SCAF8: variants seen among roughly 807,000 people sequenced by gnomAD.
SCAF8 encodes SR-related CTD associated factor 8.
In SCAF8, 23 loss-of-function variants were observed where a neutral mutation model predicts 140.5. The observed-to-expected ratio is 0.16, with a 90% CI of 0.12 to 0.23. SCAF8 has a LOEUF of 0.23. SCAF8 is among the 10% of genes least tolerant of loss of function. The pLI is 1.00. For missense variants in SCAF8, 1,397 were observed against 1,555.7 expected, an observed-to-expected ratio of 0.90 and a Z score of 1.72; for synonymous variants, 575 against 528.9, an observed-to-expected ratio of 1.09 and a Z score of -1.20.
Position 154,827,159 on chromosome 6 carries a change from T to G in SCAF8, c.2072-13T>G. 3 of 1,590,420 alleles carry G rather than the reference T, an allele frequency of 1.9e-6. No individual in the cohort carries two copies. The highest frequency in any genetic ancestry group is 2.6e-6 in the Non-Finnish European group (3 of 1,172,694). ...TTCTTGTGCTATTTTTTGGGGTTTT[T>G]TTTTCTGTCTAGGTTTCATGCCGCC... On this transcript the variant is annotated splice_polypyrimidine_tract_variant and intron_variant, in intron 17 of 19. Transcript: ENST00000367178.
chr6:154,752,108 C>G (rs1200926556), intron 1 of SCAF8, among the ~76,000 whole-genome samples: 5 of 152,162 alleles, frequency 3.3e-5, no homozygotes, highest in Non-Finnish European at 4.4e-5. Context: ...TTTGTGACTA[C>G]TACATTTAGA....
intron 1 of SCAF8, among the ~76,000 whole-genome samples, chr6:154,740,661 C>T (rs1373960901): frequency 1.4e-5 from 2 of 139,152 alleles, no homozygotes; most frequent in African/African-American, 5.4e-5. Flanking sequence ...TTGCTGTCAT[C>T]GAGGCTCGAG....
At chr6:154,772,986 C>T (rs1177214687) in intron 1 of SCAF8, among the ~76,000 whole-genome samples, 1 of 152,172 alleles carries the variant, frequency 6.6e-6, no homozygotes, top group Admixed American at 6.5e-5. Context: ...TCTTGAACTC[C>T]TGATCTCAGG....
chr6:154,761,008 T>C (rs888694653), intron 1 of SCAF8, among the ~76,000 whole-genome samples: 7 of 152,020 alleles, frequency 4.6e-5, no homozygotes, highest in African/African-American at 1.7e-4. Context: ...TGCTGTGCTG[T>C]GCAGGCTTGT....
chr6:154,797,905 TTTAC>T (rs1777654341), intron 6 of SCAF8, among the ~76,000 whole-genome samples: 1 of 151,496 alleles, frequency 6.6e-6, no homozygotes, highest in African/African-American at 2.4e-5. Flanking sequence ...TGCACTCCCT[TTTAC>T]TTTATCATCT....
intron 3 of SCAF8, among the ~76,000 whole-genome samples, chr6:154,785,014 C>T (rs72993437): frequency 5.3e-5 from 8 of 152,240 alleles, no homozygotes; most frequent in Non-Finnish European, 1.2e-4. Context: ...TTTTGTGTCA[C>T]GTCCTTGCTT....
chr6:154,777,606 AC>A (rs1776954220), intron 2 of SCAF8, among the ~76,000 whole-genome samples: 1 of 152,248 alleles, frequency 6.6e-6, no homozygotes, highest in Non-Finnish European at 1.5e-5. Flanking sequence ...CCTTGATTTA[AC>A]TGATAAAATC....
chr6:154,765,752 CCTT>C (rs1051607156), intron 1 of SCAF8, among the ~76,000 whole-genome samples: 33 of 152,068 alleles, frequency 2.2e-4, no homozygotes, highest in Non-Finnish European at 2.9e-4. Flanking sequence ...TTTTTATCAA[CCTT>C]CTTTAAAGTT....
At chr6:154,760,001 C>A (rs562833231) in intron 1 of SCAF8, among the ~76,000 whole-genome samples, 1 of 151,344 alleles carries the variant, frequency 6.6e-6, no homozygotes, top group Non-Finnish European at 1.5e-5. Flanking sequence ...TTTAAAAAAT[C>A]AAATTCTGGG....
At chr6:154,795,339 A>G (rs1472817444) in intron 6 of SCAF8, among the ~76,000 whole-genome samples, 200 bp downstream of exon 6, 1 of 152,202 alleles carries the variant, frequency 6.6e-6, no homozygotes, top group Non-Finnish European at 1.5e-5. Flanking sequence ...TTACTTTATA[A>G]AAATTTATTC....
intron 6 of SCAF8, among the ~76,000 whole-genome samples, chr6:154,796,283 A>G (rs1413499230): frequency 6.6e-6 from 1 of 151,460 alleles, no homozygotes. Flanking sequence ...TAAAAATTTT[A>G]TTAGTGAAGA....
intron 12 of SCAF8, among the ~76,000 whole-genome samples, chr6:154,814,220 G>C (rs1583060007): frequency 6.6e-6 from 1 of 152,248 alleles, no homozygotes; most frequent in Admixed American, 6.5e-5. Context: ...AGTTACTCGC[G>C]AGGCTGAGGA....
At chr6:154,793,450 A>G (rs1012444682) in intron 5 of SCAF8, among the ~76,000 whole-genome samples, 1 of 151,630 alleles carries the variant, frequency 6.6e-6, no homozygotes, top group Non-Finnish European at 1.5e-5. Context: ...AATTTTTATG[A>G]AAAAATTTTT....
intron 18 of SCAF8, 21 bp downstream of exon 18, chr6:154,827,261 G>A (rs1778593629): frequency 6.5e-7 from 1 of 1,542,124 alleles, no homozygotes; most frequent in Admixed American, 1.9e-5. Flanking sequence ...TACTTTTAGA[G>A]TTTTCTTTAT....
At position 154,733,658 on chromosome 6, in the gene SCAF8, G is replaced by T; in HGVS notation, c.-243G>T. 3 of 1,166,310 alleles carry T rather than the reference G, an allele frequency of 2.6e-6. No homozygotes were observed. The highest frequency in any genetic ancestry group is 3.2e-6 in the Non-Finnish European group (3 of 945,328). The allele number at this position is 1,166,310 out of a possible 1,614,324, so 72.2% of individuals were successfully genotyped here. A position where few individuals can be genotyped will look rare whatever the true frequency, so the allele number is the denominator to read the frequency against. On this transcript the variant is annotated 5_prime_UTR_variant, in exon 1 of 20. Transcript: ENST00000367178. ...CCCGCCGCCGACCCGCCCCGGCAGC[G>T]CCTCTGTTCCCTAGAACGGCGCTCC...
At chr6:154,748,356 T>C (rs976761568) in intron 1 of SCAF8, among the ~76,000 whole-genome samples, 1 of 152,222 alleles carries the variant, frequency 6.6e-6, no homozygotes, top group Non-Finnish European at 1.5e-5. Context: ...GCTGTGGATA[T>C]AGTTGCTTAT....
intron 1 of SCAF8, among the ~76,000 whole-genome samples, chr6:154,770,402 TCTCTCTCTCTCTCTCTC>T (rs1562436606): frequency 1.7e-5 from 1 of 57,528 alleles, no homozygotes; most frequent in African/African-American, 5.7e-5. Context: ...TCTCTCTCTC[TCTCTCTCTCTCTCTCTC>T]TCTCTAGTTG....
chr6:154,744,799 A>G (rs1027856321), intron 1 of SCAF8, among the ~76,000 whole-genome samples: 23 of 152,312 alleles, frequency 1.5e-4, no homozygotes, highest in Middle Eastern at 3.4e-3. Flanking sequence ...ATGATGAATA[A>G]TTTTTATGTA....
intron 17 of SCAF8, among the ~76,000 whole-genome samples, chr6:154,825,869 G>C (rs566432396): frequency 6.6e-6 from 1 of 151,880 alleles, no homozygotes; most frequent in African/African-American, 2.4e-5. Flanking sequence ...GATGAGATAC[G>C]CATTTAAGTT....
Sources: gnomAD v4.1 joint callset for allele counts (sites outside exome capture counted in the v4.1 genomes callset) on GRCh38, gnomAD v4.1.1 for gene constraint, MANE v1.5 for transcripts, NCBI Gene and HGNC (gene_info 2026-07-23, HGNC 2026-07-21) for gene names.